XKR6: variants seen among roughly 807,000 people sequenced by gnomAD.
XKR6 encodes the protein XK related 6.
Under a neutral mutation model 56.7 loss-of-function variants are expected in XKR6, and 22 were observed. The ratio of observed to expected loss-of-function variants is 0.39; its 90% CI spans 0.28 to 0.55. The LOEUF (loss-of-function observed/expected upper bound fraction) is 0.55. Among genes scored for constraint, XKR6 ranks in the 20% least tolerant of loss-of-function variants. The pLI is 0.66. For missense variants in XKR6, 852 were observed against 889.0 expected, an observed-to-expected ratio of 0.96 and a Z score of 0.53; for synonymous variants, 524 against 387.8, an observed-to-expected ratio of 1.35 and a Z score of -4.13.
intron 1 of XKR6, among the ~76,000 whole-genome samples, chr8:11,144,643 A>G (rs917773367): frequency 2.0e-5 from 3 of 152,074 alleles, no homozygotes; most frequent in African/African-American, 7.3e-5. Context: ...AGATACCTCG[A>G]TATCTGCTTT....
chr8:11,173,598 C>A (rs1397005878), intron 1 of XKR6, among the ~76,000 whole-genome samples: 1 of 152,044 alleles, frequency 6.6e-6, no homozygotes, highest in Non-Finnish European at 1.5e-5. Context: ...GATGGGGTCA[C>A]CATGAGAGTT....
intron 1 of XKR6, among the ~76,000 whole-genome samples, chr8:11,159,729 A>C (rs1269272123): frequency 1.3e-5 from 2 of 152,202 alleles, no homozygotes; most frequent in Non-Finnish European, 2.9e-5. Context: ...TGAACTAATA[A>C]TGGCAACTGC....
intron 1 of XKR6, among the ~76,000 whole-genome samples, chr8:10,953,688 C>G (rs1801795556): frequency 6.6e-6 from 1 of 152,138 alleles, no homozygotes; most frequent in Admixed American, 6.5e-5. Flanking sequence ...TATTTATTTA[C>G]CCCTTTAAGA....
At chr8:10,999,691 C>G (rs1798195835) in intron 1 of XKR6, among the ~76,000 whole-genome samples, 1 of 152,120 alleles carries the variant, frequency 6.6e-6, no homozygotes, top group African/African-American at 2.4e-5. Context: ...AATAAAAGTT[C>G]CAACAAAGGA....
At chr8:10,906,797 G>T (rs1176736417) in intron 2 of XKR6, among the ~76,000 whole-genome samples, 1 of 152,218 alleles carries the variant, frequency 6.6e-6, no homozygotes, top group Non-Finnish European at 1.5e-5. Context: ...ACTTTGGGAG[G>T]CTGAGGCAGG....
intron 1 of XKR6, among the ~76,000 whole-genome samples, chr8:11,199,765 G>A (rs1585048211): frequency 6.6e-6 from 1 of 152,146 alleles, no homozygotes; most frequent in African/African-American, 2.4e-5. Context: ...ACGAGAAAGG[G>A]CCGCAAAGCC....
intron 1 of XKR6, among the ~76,000 whole-genome samples, chr8:11,072,171 C>G (rs559800151): frequency 8.5e-5 from 13 of 152,356 alleles, no homozygotes; most frequent in Non-Finnish European, 1.6e-4. Flanking sequence ...ATACCGTCCT[C>G]TCAGCTCCAC....
At chr8:10,921,126 A>G (rs907778162) in intron 2 of XKR6, among the ~76,000 whole-genome samples, 19 of 152,244 alleles carry the variant, frequency 1.2e-4, no homozygotes, top group African/African-American at 4.6e-4. Context: ...GTGGGCTCCC[A>G]CATGAGAGGA....
chr8:11,072,961 A>G (rs966241793), intron 1 of XKR6, among the ~76,000 whole-genome samples: 1 of 151,972 alleles, frequency 6.6e-6, no homozygotes, highest in Non-Finnish European at 1.5e-5. Context: ...GAGGCAGGAG[A>G]ATTGCTTCAA....
intron 1 of XKR6, among the ~76,000 whole-genome samples, chr8:11,102,860 CCCTT>C (rs1798536186): frequency 1.3e-5 from 2 of 152,194 alleles, no homozygotes; most frequent in African/African-American, 4.8e-5. Flanking sequence ...TTGGACACTT[CCCTT>C]CCATCACTGC....
chr8:11,144,451 T>G (rs968026510), intron 1 of XKR6, among the ~76,000 whole-genome samples: 5 of 150,856 alleles, frequency 3.3e-5, no homozygotes, highest in African/African-American at 1.2e-4. Flanking sequence ...GGAAGTAGAC[T>G]CAAAACTCAG....
chr8:11,001,071 A>G (rs764217115), intron 1 of XKR6, among the ~76,000 whole-genome samples: 1 of 152,332 alleles, frequency 6.6e-6, no homozygotes, highest in Non-Finnish European at 1.5e-5. Context: ...AATGCAGAAC[A>G]ATTGCTGGCC....
chr8:10,984,172 A>G (rs896697153), intron 1 of XKR6, among the ~76,000 whole-genome samples: 2 of 152,252 alleles, frequency 1.3e-5, no homozygotes, highest in South Asian at 2.1e-4. Context: ...ACCTATTACC[A>G]TAACTTTACA....
chr8:11,180,728 G>C (rs1481111530), intron 1 of XKR6, among the ~76,000 whole-genome samples: 1 of 151,790 alleles, frequency 6.6e-6, no homozygotes, highest in African/African-American at 2.4e-5. Context: ...AACACATTGA[G>C]ACCCCAACTC....
intron 1 of XKR6, among the ~76,000 whole-genome samples, chr8:10,949,441 C>A (rs899473101): frequency 1.3e-5 from 2 of 152,184 alleles, no homozygotes; most frequent in Non-Finnish European, 2.9e-5. Flanking sequence ...AGGGGCCAGC[C>A]GCACCACAGA....
At chr8:11,110,104 C>G (rs141140560) in intron 1 of XKR6, among the ~76,000 whole-genome samples, 3,548 of 152,206 alleles carry the variant, frequency 0.023, 156 homozygotes, top group African/African-American at 0.079. Context: ...TCCTGAGTAG[C>G]TGGGATTACA....
chr8:11,086,738 G>C (rs1797905648), intron 1 of XKR6, among the ~76,000 whole-genome samples: 1 of 152,190 alleles, frequency 6.6e-6, no homozygotes, highest in South Asian at 2.1e-4. Context: ...CTCTTTTCTA[G>C]ATCCTGCTGC....
At chr8:10,980,323 G>C (rs1304467950) in intron 1 of XKR6, among the ~76,000 whole-genome samples, 2 of 152,196 alleles carry the variant, frequency 1.3e-5, no homozygotes, top group Non-Finnish European at 2.9e-5. Context: ...TGTTCAGACT[G>C]AGGAGGGCTC....
chr8:11,098,638 C>T (rs1171619992), intron 1 of XKR6, among the ~76,000 whole-genome samples: 2 of 152,172 alleles, frequency 1.3e-5, no homozygotes. Flanking sequence ...TTAAATATCC[C>T]TTACAGAAAG....
Sources: allele counts gnomAD v4.1 joint callset (sites outside exome capture counted in the v4.1 genomes callset), GRCh38; gene constraint gnomAD v4.1.1; transcripts MANE v1.5; gene names NCBI Gene and HGNC (gene_info 2026-07-23, HGNC 2026-07-21).